Variants in ZNF600 observed in about 807,000 individuals in gnomAD.
ZNF600 encodes the protein zinc finger protein KR-ZNF1.
In ZNF600, 4 loss-of-function variants were observed where a neutral mutation model predicts 7.3. That is an observed-to-expected ratio of 0.55 (90% CI 0.27 to 1.25). The LOEUF is 1.25. Ranked by LOEUF, ZNF600 falls within the 50% of genes most tolerant of loss-of-function variation. ZNF600 has a pLI of 0.12. For missense variants in ZNF600, 911 were observed against 922.1 expected (o/e 0.99, Z 0.16); for synonymous variants, 290 against 308.9 (o/e 0.94, Z 0.64).
the ZNF600 span, chr19:52,800,403 T>A: frequency 4.2e-3 from 6,859 of 1,614,070 alleles, 27 homozygotes; most frequent in Non-Finnish European, 5.2e-3. Context: ...TCTTTCAAGG[T>A]GTGATTTGCA....
At chr19:52,810,474 C>T in the ZNF600 span, 1 of 1,587,050 alleles carries the variant, frequency 6.3e-7, no homozygotes. Context: ...GTGAGGACTT[C>T]CTTGGCCTTG....
intron 2 of ZNF600, among the ~76,000 whole-genome samples, chr19:52,776,544 T>A (rs2062676940): frequency 6.6e-6 from 1 of 152,030 alleles, no homozygotes; most frequent in Non-Finnish European, 1.5e-5. Context: ...CCCCAGGAGC[T>A]GGGATTTGAG....
chr19:52,828,443 G>C, the ZNF600 span, among the ~76,000 whole-genome samples: 1 of 152,034 alleles, frequency 6.6e-6, no homozygotes, highest in African/African-American at 2.4e-5. Context: ...CTCCAGCCTG[G>C]GTAACAGGGA....
At chr19:52,785,404 C>T (rs187959803) in intron 1 of ZNF600, among the ~76,000 whole-genome samples, 3 of 151,866 alleles carry the variant, frequency 2.0e-5, no homozygotes, top group East Asian at 1.9e-4. Flanking sequence ...CATGTGCAAC[C>T]GCTCCCAGCT....
chr19:52,799,782 T>C, the ZNF600 span: 4 of 1,614,086 alleles, frequency 2.5e-6, no homozygotes, highest in Non-Finnish European at 3.4e-6. Flanking sequence ...GTAAGGTTTC[T>C]CTCCAGTATG....
rs1164357597 is a variant in ZNF600, at chr19:52,773,193, T to C, written c.190+1382A>G. 2.0e-3 allele frequency among the ~76,000 whole-genome samples: 303 copies of C among 151,806 alleles called. 2 individuals carry two copies. Among genetic ancestry groups the C allele is most frequent in the African/African-American group, 6.9e-3 (282 of 41,102 alleles). Reference sequence around the variant, plus strand: ...AATGGGCATGTAGGAGTGAACTTTGTGCATGCATGTCTGTGGGAATATAAT... The same window carrying C: ...AATGGGCATGTAGGAGTGAACTTTGCGCATGCATGTCTGTGGGAATATAAT... On this transcript the variant is annotated intron_variant, in intron 3 of 3. Coordinates refer to ENST00000648973, the Ensembl canonical transcript of ZNF600.
At chr19:52,801,630 C>A in the ZNF600 span, 2 of 1,613,914 alleles carry the variant, frequency 1.2e-6, no homozygotes, top group Non-Finnish European at 1.7e-6. Context: ...TTGCAATGTC[C>A]CTGTGTGGAA....
chr19:52,766,892 G>C, exon 4 of ZNF600: 6 of 1,614,078 alleles, frequency 3.7e-6, no homozygotes, highest in Non-Finnish European at 5.1e-6. Flanking sequence ...GACGTGCAAG[G>C]TTTGATTGCT....
At chr19:52,795,869 T>TC in the ZNF600 span, among the ~76,000 whole-genome samples, 1 of 151,864 alleles carries the variant, frequency 6.6e-6, no homozygotes, top group African/African-American at 2.4e-5. Flanking sequence ...CCTGGCTTTT[T>TC]TTTTTTTTTT....
upstream of ZNF600, among the ~76,000 whole-genome samples, chr19:52,791,052 G>A (rs139815645): frequency 3.0e-4 from 45 of 152,230 alleles, no homozygotes; most frequent in East Asian, 7.9e-3. Flanking sequence ...GACTTCAAAT[G>A]CACTACCAAA....
At chr19:52,792,420 T>C in the ZNF600 span, among the ~76,000 whole-genome samples, 6 of 152,186 alleles carry the variant, frequency 3.9e-5, no homozygotes, top group South Asian at 2.1e-4. Context: ...TCCAAAAGGC[T>C]AATCAGAAAC....
At chr19:52,829,036 C>T in the ZNF600 span, among the ~76,000 whole-genome samples, 1 of 151,856 alleles carries the variant, frequency 6.6e-6, no homozygotes, top group African/African-American at 2.4e-5. Context: ...AATTTTGTTT[C>T]TGTATTTTTA....
chr19:52,787,007 C>A (rs1178014171), upstream of ZNF600, among the ~76,000 whole-genome samples: 1 of 152,250 alleles, frequency 6.6e-6, no homozygotes, highest in African/African-American at 2.4e-5. Context: ...TTATCTGGAA[C>A]GGGAATGCAA....
At chr19:52,832,996 T>G in the ZNF600 span, among the ~76,000 whole-genome samples, 1 of 152,070 alleles carries the variant, frequency 6.6e-6, no homozygotes, top group South Asian at 2.1e-4. Context: ...GGTCTCAAAC[T>G]CCTGACCTCA....
the ZNF600 span, among the ~76,000 whole-genome samples, chr19:52,793,073 G>A: frequency 1.3e-5 from 2 of 150,886 alleles, no homozygotes; most frequent in African/African-American, 4.9e-5. Flanking sequence ...GTCAATTAAT[G>A]CTCGAACTCA....
chr19:52,796,322 C>T, the ZNF600 span, among the ~76,000 whole-genome samples: 111 of 152,146 alleles, frequency 7.3e-4, 1 homozygote, highest in African/African-American at 2.4e-3. Context: ...TTTATGGACA[C>T]GAGACAGCAA....
chr19:52,781,758 A>G (rs1356743134), intron 1 of ZNF600, among the ~76,000 whole-genome samples: 3 of 134,994 alleles, frequency 2.2e-5, no homozygotes, highest in African/African-American at 3.3e-5. Context: ...GTGACACTCT[A>G]TCTTAAAAAA....
the ZNF600 span, chr19:52,810,666 CA>C: frequency 9.9e-7 from 1 of 1,012,342 alleles, no homozygotes; most frequent in East Asian, 2.4e-5. Context: ...GTCGCGTCTA[CA>C]GGGGCCGGGC....
chr19:52,810,166 G>T, the ZNF600 span: 1 of 952,446 alleles, frequency 1.0e-6, no homozygotes, highest in Non-Finnish European at 1.7e-6. Flanking sequence ...ATCGAAGCTG[G>T]AGTCAGGGAG....
Sources: allele counts gnomAD v4.1 joint callset (sites outside exome capture counted in the v4.1 genomes callset), GRCh38; gene constraint gnomAD v4.1.1; transcripts MANE v1.5; gene names NCBI Gene and HGNC (gene_info 2026-07-23, HGNC 2026-07-21).